The following RGSL1 variants were observed in gnomAD, a reference collection of about 807,000 sequenced individuals.
The protein encoded by RGSL1 is regulator of G protein signaling like 1.
In RGSL1, 97 loss-of-function variants were observed where a neutral mutation model predicts 124.7. The observed-to-expected ratio is 0.78, with a 90% CI of 0.66 to 0.92. RGSL1 has a LOEUF of 0.92. Among genes scored for constraint, RGSL1 ranks in the 40% least tolerant of loss-of-function variants. The pLI is 0.00. For synonymous variants in RGSL1, 424 were observed against 438.1 expected (o/e 0.97, Z 0.40); for missense variants, 1,233 against 1,288.4 (o/e 0.96, Z 0.66).
intron 9 of RGSL1, 34 bp downstream of exon 9, chr1:182,493,163 C>G: frequency 7.2e-7 from 1 of 1,392,686 alleles, no homozygotes; most frequent in Non-Finnish European, 9.9e-7. Flanking sequence ...GACGAGGCAA[C>G]TAGGTTTTTT....
At chr1:182,483,075 A>G (rs1237944946) in intron 6 of RGSL1, among the ~76,000 whole-genome samples, 2 of 152,250 alleles carry the variant, frequency 1.3e-5, no homozygotes, top group Non-Finnish European at 2.9e-5. Flanking sequence ...AGATAAACTC[A>G]TAGAAGCAGA....
intron 3 of RGSL1, among the ~76,000 whole-genome samples, chr1:182,458,661 C>T (rs994762922): frequency 1.3e-5 from 2 of 151,870 alleles, no homozygotes; most frequent in African/African-American, 2.4e-5. Flanking sequence ...TTGGTAGAGA[C>T]GGAGTTTCAC....
chr1:182,483,135 T>C (rs1312640348), intron 6 of RGSL1, among the ~76,000 whole-genome samples: 2 of 152,168 alleles, frequency 1.3e-5, no homozygotes, highest in Admixed American at 1.3e-4. Context: ...GATCAAAGTG[T>C]ACCATGTTTC....
intron 4 of RGSL1, 95 bp downstream of exon 4, chr1:182,460,228 A>ATGTG (rs369221755): frequency 4.2e-5 from 57 of 1,353,856 alleles, no homozygotes; most frequent in African/African-American, 1.1e-4. Context: ...TTATGCCTGT[A>ATGTG]TGTGTGTGTG....
chr1:182,462,624 A>G (rs1456916692), intron 4 of RGSL1, among the ~76,000 whole-genome samples: 1 of 152,192 alleles, frequency 6.6e-6, no homozygotes, highest in East Asian at 1.9e-4. Flanking sequence ...TTTTCCACAT[A>G]ATTTAAGATA....
Position 182,453,912 on chromosome 1 carries a change from A to C in RGSL1, c.14-46A>C, listed in dbSNP as rs1003005844. 90 of 1,030,750 alleles carry C rather than the reference A, an allele frequency of 8.7e-5. 1 individual carries two copies. In the Admixed American group the frequency reaches 1.6e-3, roughly 18 times the overall value. The allele number at this position is 1,030,750 out of a possible 1,614,324, so 63.9% of individuals were successfully genotyped here. On this transcript the variant is annotated intron_variant, in intron 1 of 21. Coordinates refer to ENST00000294854, the MANE Select transcript of RGSL1 (RefSeq NM_001137669.2). ...TGCTTCATTTTCTGAACCTGAATGC[A>C]ATTCTGGTTCATGTTTTGTTTTTTT...
intron 4 of RGSL1, among the ~76,000 whole-genome samples, chr1:182,467,772 C>A (rs1440504964): frequency 6.6e-6 from 1 of 152,174 alleles, no homozygotes; most frequent in Non-Finnish European, 1.5e-5. Context: ...CAAACAGGAT[C>A]TAATTAAACT....
intron 15 of RGSL1, among the ~76,000 whole-genome samples, chr1:182,543,099 T>C (rs1479802821): frequency 6.6e-6 from 1 of 152,120 alleles, no homozygotes. Context: ...TGAATAAGAG[T>C]AGTGAGAGTG....
chr1:182,540,516 T>C, intron 15 of RGSL1, 95 bp downstream of exon 15: 1 of 1,092,178 alleles, frequency 9.2e-7, no homozygotes, highest in East Asian at 2.7e-5. Context: ...AGAGATACAG[T>C]GATTTCAGAC....
At position 182,472,527 on chromosome 1, in the gene RGSL1, A is replaced by G; in HGVS notation, c.433A>G (p.Arg145Gly). 6.5e-7 allele frequency: 1 copy of G among 1,547,704 alleles called. No homozygotes were observed. ...LRATHLQEGS[R>G]VVTLCNMNIK... ...GGCCACTCATCTGCAGGAGGGCTCC[A>G]GGGTGGTAACCCTCTGTAACATGAA... The change falls in exon 5 of 22, where the codon AGG (arginine) becomes GGG (glycine). Residue 145 changes from arginine (R) to glycine (G), a missense_variant. Coordinates refer to ENST00000294854, the MANE Select transcript of RGSL1 (RefSeq NM_001137669.2).
Position 182,454,887 on chromosome 1 carries a change from C to G in RGSL1, c.96+847C>G, listed in dbSNP as rs188919087. On this transcript the variant is annotated intron_variant, in intron 2 of 21. Transcript: ENST00000294854. ...AACACTGGTGCCTTATGAATTGTGA[C>G]TCATCTTGATGCACCCTTTCCCATA... Among the ~76,000 whole-genome samples the G allele has an allele frequency of 2.1e-4, 32 of 152,206 alleles. No homozygotes were observed. In the East Asian group the frequency reaches 4.6e-3, roughly 22 times the overall value.
intron 6 of RGSL1, 149 bp downstream of exon 6, chr1:182,474,691 G>T: frequency 7.9e-7 from 1 of 1,263,822 alleles, no homozygotes; most frequent in Non-Finnish European, 1.1e-6. Flanking sequence ...ATCTGTTAAG[G>T]CAGGGGTCCC....
chr1:182,536,241 A>C lies in RGSL1; in HGVS notation c.2494+3450A>C, dbSNP rs567208958. On this transcript the variant is annotated intron_variant, in intron 14 of 21. Coordinates refer to ENST00000294854, the MANE Select transcript of RGSL1 (RefSeq NM_001137669.2). The stretch of plus-strand genomic sequence containing the variant: ...TTGATTTCACTTTGGGGCTGTTATG[A>C]ATTACCCTGCTATGAATATTCAAGC... 3.5e-4 allele frequency among the ~76,000 whole-genome samples: 53 copies of C among 152,294 alleles called. 1 individual carries two copies. The South Asian group carries it at 4.6e-3, about 13-fold the overall frequency.
At chr1:182,504,317 A>C (rs1242367033) in intron 9 of RGSL1, among the ~76,000 whole-genome samples, 1 of 151,874 alleles carries the variant, frequency 6.6e-6, no homozygotes, top group Non-Finnish European at 1.5e-5. Context: ...TCGGTTAGAC[A>C]TAATTCTCCC....
intron 6 of RGSL1, among the ~76,000 whole-genome samples, chr1:182,488,055 A>G (rs1339053775): frequency 2.6e-5 from 4 of 152,208 alleles, no homozygotes; most frequent in African/African-American, 9.6e-5. Context: ...TCTTAAGTAA[A>G]TATTTAGTGC....
At chr1:182,537,081 C>A (rs1165188540) in intron 14 of RGSL1, among the ~76,000 whole-genome samples, 3 of 152,074 alleles carry the variant, frequency 2.0e-5, no homozygotes, top group Non-Finnish European at 2.9e-5. Flanking sequence ...GAAAATATAT[C>A]TCTCAGTTGA....
chr1:182,521,939 T>C, intron 9 of RGSL1, 65 bp from the exon 10 acceptor site: 1 of 1,049,098 alleles, frequency 9.5e-7, no homozygotes, highest in South Asian at 1.5e-5. Context: ...AAAATATCCT[T>C]GCTAGTTTTT....
rs187313688 is a variant in RGSL1, at chr1:182,515,363, C to T, written c.1826-6641C>T. On this transcript the variant is annotated intron_variant, in intron 9 of 21. Transcript: ENST00000294854. ...CTGGTTTTCCTTTCTAGGGCTGCAG[C>T]CTGGAGCCTGGAATCGAGTTTGGGA... Among the ~76,000 whole-genome samples, 22 of 152,096 alleles carry T rather than the reference C, an allele frequency of 1.4e-4. 4 individuals carry two copies. The highest frequency in any genetic ancestry group is 5.3e-4 in the African/African-American group (22 of 41,480).
rs188472858 is a variant in RGSL1, at chr1:182,558,687, A to C, written c.*166-1592A>C. ...CTCATGGCCTTCTTCCTCTGTCTTT[A>C]AATCCAGCAATGGTGGGTCAAGTCC... On this transcript the variant is annotated intron_variant, in intron 21 of 21. Transcript: ENST00000294854. Among the ~76,000 whole-genome samples, 335 of 152,240 alleles carry C rather than the reference A, an allele frequency of 2.2e-3. 1 individual carries two copies. Among genetic ancestry groups the C allele is most frequent in the African/African-American group, 7.3e-3 (304 of 41,524 alleles).
Sources: gnomAD v4.1 joint callset for allele counts (sites outside exome capture counted in the v4.1 genomes callset) on GRCh38, gnomAD v4.1.1 for gene constraint, MANE v1.5 for transcripts, NCBI Gene and HGNC (gene_info 2026-07-23, HGNC 2026-07-21) for gene names.